EYS: variants seen among roughly 807,000 people sequenced by gnomAD.
EYS encodes protein eyes shut homolog.
EYS carries 250 observed loss-of-function variants against 282.1 expected under a neutral mutation model. The observed-to-expected ratio is 0.89, with a 90% CI of 0.80 to 0.98. EYS has a LOEUF of 0.98. Among genes scored for constraint, EYS ranks in the 50% least tolerant of loss-of-function variants. The pLI, the probability that EYS is intolerant of heterozygous loss-of-function variation, is 0.00. For synonymous variants in EYS, 1,355 were observed against 1,282.9 expected, an observed-to-expected ratio of 1.06 and a Z score of -1.20; for missense variants, 4,016 against 3,709.0, an observed-to-expected ratio of 1.08 and a Z score of -2.15.
At chr6:64,469,782 C>T (rs1338977977) in intron 26 of EYS, among the ~76,000 whole-genome samples, 1 of 152,056 alleles carries the variant, frequency 6.6e-6, no homozygotes, top group African/African-American at 2.4e-5. Context: ...TAGTCAGGCC[C>T]ACCCACAGTT....
chr6:64,024,773 T>C (rs993284791), intron 33 of EYS, among the ~76,000 whole-genome samples: 37 of 152,014 alleles, frequency 2.4e-4, no homozygotes, highest in Non-Finnish European at 5.3e-4. Context: ...GCTTCACTCC[T>C]GCGCCAGCGA....
chr6:64,944,595 C>T (rs1303519729), intron 15 of EYS, among the ~76,000 whole-genome samples: 1 of 152,050 alleles, frequency 6.6e-6, no homozygotes, highest in African/African-American at 2.4e-5. Flanking sequence ...GAAATATGGC[C>T]TCCTGGGATG....
intron 12 of EYS, among the ~76,000 whole-genome samples, chr6:65,183,270 C>G (rs1040371930): frequency 5.3e-5 from 8 of 151,850 alleles, no homozygotes; most frequent in South Asian, 2.1e-4. Context: ...TGTAATCTCT[C>G]AATTGGTTGC....
chr6:64,877,469 A>T (rs2150057738), intron 19 of EYS, among the ~76,000 whole-genome samples: 1 of 152,344 alleles, frequency 6.6e-6, no homozygotes, highest in East Asian at 1.9e-4. Context: ...TAAAAATAGA[A>T]ATAATGATGA....
intron 35 of EYS, among the ~76,000 whole-genome samples, chr6:63,928,381 A>AT (rs974261307): frequency 7.9e-5 from 12 of 152,310 alleles, no homozygotes; most frequent in Non-Finnish European, 8.8e-5. Flanking sequence ...GAAGGCAAAT[A>AT]TTTTTGTATG....
At chr6:65,071,201 A>C (rs1046503467) in intron 12 of EYS, among the ~76,000 whole-genome samples, 4 of 151,986 alleles carry the variant, frequency 2.6e-5, no homozygotes, top group Admixed American at 1.3e-4. Flanking sequence ...ATTGCAGAAA[A>C]ATGTAGAATT....
chr6:65,038,783 A>G (rs1363239369), intron 13 of EYS, among the ~76,000 whole-genome samples: 1 of 151,256 alleles, frequency 6.6e-6, no homozygotes, highest in Non-Finnish European at 1.5e-5. Context: ...AGGAGTATTC[A>G]CTTTTGGTTA....
At chr6:64,851,481 C>T (rs1765883388) in intron 19 of EYS, among the ~76,000 whole-genome samples, 1 of 151,986 alleles carries the variant, frequency 6.6e-6, no homozygotes, top group Admixed American at 6.6e-5. Context: ...TTAGGTAATA[C>T]TTGGGACTTA....
Position 64,538,052 on chromosome 6 carries a change from T to C in EYS, c.5644+52171A>G, listed in dbSNP as rs542020086. ...TGTCATGATTAAACAAGCTACTAAGTGTATAGCTAGGATGCATTAAAAAAT... is the reference window on the plus strand; with the variant it reads ...TGTCATGATTAAACAAGCTACTAAGCGTATAGCTAGGATGCATTAAAAAAT... On this transcript the variant is annotated intron_variant, in intron 26 of 42. Transcript: ENST00000503581. 4.7e-5 allele frequency among the ~76,000 whole-genome samples: 7 copies of C among 147,624 alleles called. No homozygotes were observed. The South Asian group carries it at 1.2e-3, about 26-fold the overall frequency.
chr6:65,212,382 A>C lies in EYS; in HGVS notation c.2023+83481T>G, dbSNP rs1283091058. 2.6e-5 allele frequency among the ~76,000 whole-genome samples: 4 copies of C among 152,132 alleles called. No individual in the cohort carries two copies. The South Asian group carries it at 8.3e-4, about 32-fold the overall frequency. On this transcript the variant is annotated intron_variant, in intron 12 of 42. Transcript: ENST00000503581. ...TTTTTCTTTAAGAAGAAAATAGAAGATATCTGGGATCTATACAGCTGAATC... is the reference window on the plus strand; with the variant it reads ...TTTTTCTTTAAGAAGAAAATAGAAGCTATCTGGGATCTATACAGCTGAATC...
At chr6:64,685,295 ACTTGATT>A (rs1266303868) in intron 22 of EYS, among the ~76,000 whole-genome samples, 7 of 54,144 alleles carry the variant, frequency 1.3e-4, no homozygotes, top group Non-Finnish European at 3.2e-4. Flanking sequence ...CTTTATAAAT[ACTTGATT>A]TAAAAAAAAT....
intron 37 of EYS, among the ~76,000 whole-genome samples, chr6:63,799,731 G>C (rs1216918765): frequency 6.6e-6 from 1 of 152,208 alleles, no homozygotes; most frequent in Non-Finnish European, 1.5e-5. Flanking sequence ...AGCAGTGATT[G>C]TAAATGACAA....
chr6:64,267,681 T>C (rs1767806991), intron 30 of EYS, among the ~76,000 whole-genome samples: 1 of 152,076 alleles, frequency 6.6e-6, no homozygotes, highest in African/African-American at 2.4e-5. Flanking sequence ...TTTGACTAAA[T>C]AAAAACTTTA....
At chr6:63,882,242 C>A (rs919051822) in intron 35 of EYS, among the ~76,000 whole-genome samples, 3 of 152,234 alleles carry the variant, frequency 2.0e-5, no homozygotes, top group Admixed American at 6.5e-5. Flanking sequence ...ATATATAAAA[C>A]AGACTATTTA....
Position 65,570,706 on chromosome 6 carries a change from T to G in EYS, c.-333+69072A>C, listed in dbSNP as rs150910668. Reference sequence around the variant, plus strand: ...GATGGACTCTTTCCTACAGTGTATCTAGAAATGGAAGCTGAATAAAGTCTC... The same window carrying G: ...GATGGACTCTTTCCTACAGTGTATCGAGAAATGGAAGCTGAATAAAGTCTC... On this transcript the variant is annotated intron_variant, in intron 2 of 42. Transcript: ENST00000503581. Among the ~76,000 whole-genome samples, 175 of 152,278 alleles carry G rather than the reference T, an allele frequency of 1.1e-3. 2 individuals carry two copies. Among genetic ancestry groups the G allele is most frequent in the African/African-American group, 3.9e-3 (162 of 41,578 alleles).
chr6:65,606,269 G>A (rs1299506749), intron 2 of EYS, among the ~76,000 whole-genome samples: 1 of 151,580 alleles, frequency 6.6e-6, no homozygotes, highest in Non-Finnish European at 1.5e-5. Context: ...ACACACAAAT[G>A]TGAAATGATC....
At chr6:64,454,668 C>G (rs761836661) in intron 26 of EYS, among the ~76,000 whole-genome samples, 5 of 152,058 alleles carry the variant, frequency 3.3e-5, no homozygotes, top group Non-Finnish European at 5.9e-5. Context: ...TGTGGGGACA[C>G]TTTTCATATG....
chr6:65,132,654 C>G (rs1466912650), intron 12 of EYS, among the ~76,000 whole-genome samples: 1 of 151,930 alleles, frequency 6.6e-6, no homozygotes, highest in East Asian at 1.9e-4. Flanking sequence ...CAGCACAAGA[C>G]AAGGATGCCA....
At chr6:64,209,978 T>TA (rs551678623) in intron 31 of EYS, among the ~76,000 whole-genome samples, 95 of 152,218 alleles carry the variant, frequency 6.2e-4, no homozygotes, top group Non-Finnish European at 1.2e-3. Context: ...ATTGCCTGCC[T>TA]GTTTAATAAC....
Sources: gnomAD v4.1 joint callset for allele counts (sites outside exome capture counted in the v4.1 genomes callset) on GRCh38, gnomAD v4.1.1 for gene constraint, MANE v1.5 for transcripts, NCBI Gene and HGNC (gene_info 2026-07-23, HGNC 2026-07-21) for gene names.